ANKRD30A: variants seen among roughly 807,000 people sequenced by gnomAD.
The protein encoded by ANKRD30A is ankyrin repeat domain-containing protein 30A.
ANKRD30A carries 170 observed loss-of-function variants against 166.3 expected under a neutral mutation model. That is an observed-to-expected ratio of 1.02 (90% confidence interval 0.90 to 1.16). The LOEUF is 1.16. Ranked by LOEUF, ANKRD30A falls within the 50% of genes most tolerant of loss-of-function variation. The pLI is 0.00. For missense variants in ANKRD30A, 1,630 were observed against 1,518.0 expected (o/e 1.07, Z -1.23); for synonymous variants, 564 against 508.9 (o/e 1.11, Z -1.46).
chr10:37,229,456 C>G (rs553843396), intron 34 of ANKRD30A, among the ~76,000 whole-genome samples: 1 of 151,900 alleles, frequency 6.6e-6, no homozygotes, highest in Non-Finnish European at 1.5e-5. Flanking sequence ...ATCAAGATAA[C>G]TAATATATTC....
intron 21 of ANKRD30A, among the ~76,000 whole-genome samples, chr10:37,172,676 A>G (rs1354539189): frequency 7.5e-6 from 1 of 133,736 alleles, no homozygotes; most frequent in Non-Finnish European, 1.6e-5. Context: ...ATGCATGTAG[A>G]TTATTTGCAC....
chr10:37,255,655 G>A, the ANKRD30A span, among the ~76,000 whole-genome samples: 15 of 151,996 alleles, frequency 9.9e-5, no homozygotes, highest in South Asian at 8.3e-4. Context: ...CTTTCCTCCC[G>A]AGCTCCTGAG....
chr10:37,216,387 A>G lies in ANKRD30A; in HGVS notation c.3076A>G (p.Ser1026Gly). ...AGTTAAATGGGAACAAGAGCTCTGC[A>G]GTGTGAGGTGTGATTTCCTAGTTTT... Reference protein sequence around the residue: ...QKVKWEQELCSVRLTLNQEEE... With the variant: ...QKVKWEQELCGVRLTLNQEEE... Residue 1026 changes from serine (S) to glycine (G), a missense_variant, in exon 32 of 36, where the codon AGT becomes GGT. Around this residue, in one of 4 missense-constraint regions of ANKRD30A, gnomAD observed 712 missense variants for 629.3 expected, o/e 1.13. Transcript: ENST00000361713. The G allele has an allele frequency of 1.9e-6, 3 of 1,595,744 alleles. No homozygotes were observed. Among genetic ancestry groups the G allele is most frequent in the Non-Finnish European group, 2.6e-6 (3 of 1,172,176 alleles).
At chr10:37,236,971 C>T (rs1002134173), downstream of ANKRD30A, among the ~76,000 whole-genome samples, 2 of 152,196 alleles carry the variant, frequency 1.3e-5, no homozygotes, top group African/African-American at 2.4e-5. Context: ...GACTACCACT[C>T]ACTGATGTTA....
chr10:37,196,817 A>G (rs1319598719), intron 27 of ANKRD30A, among the ~76,000 whole-genome samples: 3 of 152,200 alleles, frequency 2.0e-5, no homozygotes, highest in South Asian at 4.1e-4. Context: ...ACCTAAGTGT[A>G]TATCCAAGCT....
At chr10:37,196,446 T>C (rs553138125) in intron 27 of ANKRD30A, among the ~76,000 whole-genome samples, 11 of 152,214 alleles carry the variant, frequency 7.2e-5, no homozygotes, top group Admixed American at 3.3e-4. Flanking sequence ...TTTGGTAAAA[T>C]TGCCATTCCA....
rs535524123 is a variant in ANKRD30A, at chr10:37,189,857, C to T, written c.2512+300C>T. Reference sequence around the variant, plus strand: ...TAAATGAAGACTGAGAAAGACAGAGCGTACAGAGAGTATATGAAGGAACAA... The same window carrying T: ...TAAATGAAGACTGAGAAAGACAGAGTGTACAGAGAGTATATGAAGGAACAA... On this transcript the variant is annotated intron_variant, in intron 25 of 35. Transcript: ENST00000361713. 6.6e-5 allele frequency among the ~76,000 whole-genome samples: 10 copies of T among 151,218 alleles called. No homozygotes were observed. In the East Asian group the frequency reaches 9.7e-4, roughly 15 times the overall value.
intron 15 of ANKRD30A, among the ~76,000 whole-genome samples, chr10:37,161,107 A>C (rs1838822518): frequency 6.6e-6 from 1 of 152,168 alleles, no homozygotes; most frequent in African/African-American, 2.4e-5. Flanking sequence ...CAAAAAAATT[A>C]GTCGGACGTG....
At position 37,197,489 on chromosome 10, in the gene ANKRD30A, T is replaced by C; in HGVS notation, c.2716+9T>C. 6.2e-7 allele frequency: 1 copy of C among 1,612,148 alleles called. No individual in the cohort carries two copies. The highest frequency in any genetic ancestry group is 8.5e-7 in the Non-Finnish European group (1 of 1,179,638). On this transcript the variant is annotated intron_variant, in intron 29 of 35. Transcript: ENST00000361713. The stretch of plus-strand genomic sequence containing the variant: ...ACAAACATTGAGAGCAGGTACATTT[T>C]TCAATGTAACTATGCGAAGACCAAT...
intron 31 of ANKRD30A, among the ~76,000 whole-genome samples, chr10:37,203,039 C>T (rs1841750469): frequency 6.6e-6 from 1 of 152,126 alleles, no homozygotes; most frequent in African/African-American, 2.4e-5. Context: ...GATTCCCAGC[C>T]AAATTCTACC....
At chr10:37,161,363 A>G (rs1160093501) in intron 15 of ANKRD30A, among the ~76,000 whole-genome samples, 1 of 152,218 alleles carries the variant, frequency 6.6e-6, no homozygotes, top group Non-Finnish European at 1.5e-5. Flanking sequence ...ACTATCACTA[A>G]ACAAAGAGAA....
the ANKRD30A span, among the ~76,000 whole-genome samples, chr10:37,251,824 A>G: frequency 6.6e-6 from 1 of 152,306 alleles, no homozygotes; most frequent in South Asian, 2.1e-4. Context: ...TCCTTTGATG[A>G]TGGAGTTTGT....
chr10:37,145,595 G>A (rs1351882697), intron 8 of ANKRD30A, among the ~76,000 whole-genome samples: 4 of 149,976 alleles, frequency 2.7e-5, no homozygotes, highest in African/African-American at 9.7e-5. Context: ...CACTTGTGTA[G>A]TACAGTGTAA....
chr10:37,145,540 C>G (rs77576161), intron 8 of ANKRD30A, among the ~76,000 whole-genome samples: 2 of 38,798 alleles, frequency 5.2e-5, no homozygotes, highest in Non-Finnish European at 1.3e-4. Context: ...GAGTAGATTA[C>G]TGCTTGGTAG....
At chr10:37,197,867 GT>G (rs1841274196) in intron 29 of ANKRD30A, among the ~76,000 whole-genome samples, 1 of 151,994 alleles carries the variant, frequency 6.6e-6, no homozygotes, top group Non-Finnish European at 1.5e-5. Context: ...TAACACTCGT[GT>G]TTTAACTTGA....
the ANKRD30A span, among the ~76,000 whole-genome samples, chr10:37,248,534 A>T: frequency 6.6e-6 from 1 of 152,114 alleles, no homozygotes; most frequent in African/African-American, 2.4e-5. Flanking sequence ...CCATGGTCCA[A>T]GTTCAAGATC....
At chr10:37,242,495 T>G in the ANKRD30A span, among the ~76,000 whole-genome samples, 1 of 152,240 alleles carries the variant, frequency 6.6e-6, no homozygotes, top group Non-Finnish European at 1.5e-5. Context: ...AACCTTCAAG[T>G]TATTCATTTA....
chr10:37,194,516 A>G (rs1205224503), intron 27 of ANKRD30A, among the ~76,000 whole-genome samples: 6 of 151,592 alleles, frequency 4.0e-5, no homozygotes, highest in South Asian at 2.1e-4. Flanking sequence ...AATGTTTTGT[A>G]TTTTTAGTAG....
At chr10:37,184,352 T>C (rs1198605815) in intron 24 of ANKRD30A, 4 of 69,852 alleles carry the variant, frequency 5.7e-5, no homozygotes, top group African/African-American at 1.5e-4. Context: ...ATTTCTTTTT[T>C]TTTTTTTTTT....
Sources: gnomAD v4.1 joint callset for allele counts (sites outside exome capture counted in the v4.1 genomes callset) on GRCh38, gnomAD v4.1.1 for gene constraint, gnomAD v4.1.1 regional missense constraint, MANE v1.5 for transcripts, NCBI Gene and HGNC (gene_info 2026-07-23, HGNC 2026-07-21) for gene names.